CENPC: variants seen among roughly 807,000 people sequenced by gnomAD.
The protein encoded by CENPC is CENP-C 1.
In CENPC, 63 loss-of-function variants were observed where a neutral mutation model predicts 112.1. That is an observed-to-expected ratio of 0.56 (90% confidence interval 0.46 to 0.69). The LOEUF (loss-of-function observed/expected upper bound fraction) is 0.69. Ranked by LOEUF, CENPC falls within the 30% of genes least tolerant of loss-of-function variation. The pLI is 0.00. For missense variants in CENPC, 1,000 were observed against 1,103.8 expected (o/e 0.91, Z 1.33); for synonymous variants, 333 against 367.6 (o/e 0.91, Z 1.08).
chr4:67,490,915 T>C (rs529717483), intron 16 of CENPC, among the ~76,000 whole-genome samples: 7 of 145,816 alleles, frequency 4.8e-5, no homozygotes, highest in African/African-American at 1.8e-4. Context: ...AATATATATA[T>C]AGTAGATTCA....
chr4:67,526,981 A>C (rs1164531083), intron 5 of CENPC, among the ~76,000 whole-genome samples: 2 of 152,226 alleles, frequency 1.3e-5, no homozygotes, highest in African/African-American at 4.8e-5. Context: ...TAATAAGGAA[A>C]AGATAATATG....
intron 9 of CENPC, among the ~76,000 whole-genome samples, chr4:67,509,651 C>T (rs752939081): frequency 3.3e-5 from 5 of 152,082 alleles, no homozygotes; most frequent in Admixed American, 1.3e-4. Flanking sequence ...TCCACAATCA[C>T]GCCCTAAATC....
chr4:67,511,861 A>G (rs755264467), intron 9 of CENPC, among the ~76,000 whole-genome samples: 1 of 152,094 alleles, frequency 6.6e-6, no homozygotes, highest in Non-Finnish European at 1.5e-5. Context: ...TTTCCTCCAG[A>G]CTTAACCCAT....
At chr4:67,541,445 T>C (rs1200091249) in intron 2 of CENPC, among the ~76,000 whole-genome samples, 1 of 152,196 alleles carries the variant, frequency 6.6e-6, no homozygotes, top group Admixed American at 6.5e-5. Flanking sequence ...AATGCATTTC[T>C]AATTCAGTAT....
chr4:67,507,815 C>T (rs1725778873), intron 10 of CENPC, among the ~76,000 whole-genome samples: 1 of 152,078 alleles, frequency 6.6e-6, no homozygotes, highest in Non-Finnish European at 1.5e-5. Context: ...ATCAGAACCC[C>T]TCAACAAAAT....
At chr4:67,529,855 T>C (rs1323068921) in intron 5 of CENPC, among the ~76,000 whole-genome samples, 3 of 152,186 alleles carry the variant, frequency 2.0e-5, no homozygotes, top group African/African-American at 4.8e-5. Context: ...ACTATGAAGC[T>C]ACTATTAGTA....
At chr4:67,491,462 TATATATATATATATATATAGAGAGAGAG>T (rs1241178954) in intron 16 of CENPC, among the ~76,000 whole-genome samples, 13 of 65,722 alleles carry the variant, frequency 2.0e-4, no homozygotes, top group African/African-American at 6.7e-4. Context: ...TATATATATA[TATATATATATATATATATAGAGAGAGAG>T]AGAGAGAGAG....
chr4:67,528,037 T>C (rs1691982216), intron 5 of CENPC, among the ~76,000 whole-genome samples: 1 of 152,040 alleles, frequency 6.6e-6, no homozygotes, highest in African/African-American at 2.4e-5. Flanking sequence ...AGATTAAACA[T>C]AACAAATAAA....
intron 12 of CENPC, among the ~76,000 whole-genome samples, chr4:67,502,073 T>C (rs889432843): frequency 2.6e-5 from 4 of 152,112 alleles, no homozygotes; most frequent in African/African-American, 9.7e-5. Flanking sequence ...AAATTTCTAT[T>C]CATAAGCATT....
At chr4:67,515,335 G>A (rs1340878090) in intron 7 of CENPC, among the ~76,000 whole-genome samples, 5 of 151,500 alleles carry the variant, frequency 3.3e-5, no homozygotes, top group African/African-American at 4.9e-5. Context: ...GCATGATGGC[G>A]GGTGCCTGTA....
At chr4:67,483,426 AAATAT>A (rs1725005887) in intron 17 of CENPC, among the ~76,000 whole-genome samples, 1 of 152,208 alleles carries the variant, frequency 6.6e-6, no homozygotes, top group Non-Finnish European at 1.5e-5. Flanking sequence ...GTAAAAAATA[AAATAT>A]AACACAATTT....
chr4:67,471,109 T>C lies in CENPC; in HGVS notation c.*1496A>G, dbSNP rs914786047. On this transcript the variant is annotated 3_prime_UTR_variant, in exon 19 of 19. Coordinates refer to ENST00000273853, the MANE Select transcript of CENPC (RefSeq NM_001812.4). Reference sequence around the variant, plus strand: ...AACAACCAACAGTGGGTGGAAGGCTTATAGACTCAAGTGTTTGATCTTAAC... The same window carrying C: ...AACAACCAACAGTGGGTGGAAGGCTCATAGACTCAAGTGTTTGATCTTAAC... 1 of 152,198 alleles carries C rather than the reference T, an allele frequency of 6.6e-6. No individual in the cohort carries two copies. Among genetic ancestry groups the C allele is most frequent in the Non-Finnish European group, 1.5e-5 (1 of 68,034 alleles). 9.4% of individuals were successfully genotyped at this position (152,198 alleles called of 1,614,324 possible).
At chr4:67,523,920 T>C (rs1397559602) in intron 5 of CENPC, among the ~76,000 whole-genome samples, 2 of 151,874 alleles carry the variant, frequency 1.3e-5, no homozygotes, top group Non-Finnish European at 2.9e-5. Context: ...GGAACCAAAG[T>C]AAGAGCTTCT....
In CENPC at chr4:67,505,140, T is replaced by C. The variant is rs1034806944; in HGVS notation, c.2131+65A>G. 3 of 1,131,022 alleles carry C rather than the reference T, an allele frequency of 2.7e-6. No homozygotes were observed. The South Asian group carries it at 4.3e-5, about 16-fold the overall frequency. 70.1% of individuals were successfully genotyped at this position (1,131,022 alleles called of 1,614,324 possible). A position where few individuals can be genotyped will look rare whatever the true frequency, so the allele number is the denominator to read the frequency against. On this transcript the variant is annotated intron_variant, in intron 12 of 18. Coordinates refer to ENST00000273853, the MANE Select transcript of CENPC (RefSeq NM_001812.4). Reference sequence around the variant, plus strand: ...CATCAGTGACAATGTAAACAAAACATAGCACTCCTTACTCCATATTCATAA... The same window carrying C: ...CATCAGTGACAATGTAAACAAAACACAGCACTCCTTACTCCATATTCATAA...
rs773051435 is a variant in CENPC, at chr4:67,514,680, C to T, written c.838G>A (p.Val280Ile). Residue 280 changes from valine (V) to isoleucine (I), a missense_variant, in exon 8 of 19, where the codon GTT (valine) becomes ATT (isoleucine). Physicochemically the swap from Val to Ile is conservative, Grantham distance 29. Transcript: ENST00000273853. Reference sequence around the variant, plus strand: ...GGTGGAGCAGTTGCCGCATGCCTAACAATGGGACTGAAACAGGGTGATACT... The same window carrying T: ...GGTGGAGCAGTTGCCGCATGCCTAATAATGGGACTGAAACAGGGTGATACT... ...VKRKSESSPI[V>I]RHAATAPPHS... 1 of 1,605,940 alleles carries T rather than the reference C, an allele frequency of 6.2e-7. No individual in the cohort carries two copies. The highest frequency in any genetic ancestry group is 2.2e-5 in the East Asian group (1 of 44,562).
In CENPC at chr4:67,491,445, TCATATATATA is replaced by T. The variant is rs1264650239; in HGVS notation, c.2515+725_2515+734del. ...ACAGTTGTTAATATATTTAAATATT[TCATATATATA>T]TATATATATATATATATATATATAT... On this transcript the variant is annotated intron_variant, in intron 16 of 18. Transcript: ENST00000273853. Among the ~76,000 whole-genome samples, 185 of 64,144 alleles carry T rather than the reference TCATATATATA, an allele frequency of 2.9e-3. 4 individuals are homozygous for T. Among genetic ancestry groups the T allele is most frequent in the East Asian group, 0.013 (28 of 2,088 alleles). The allele number at this position is 64,144 out of a possible 152,430, so 42.1% of individuals were successfully genotyped here. A position where few individuals can be genotyped will look rare whatever the true frequency, so the allele number is the denominator to read the frequency against.
At chr4:67,484,647 C>A (rs1178446634) in intron 17 of CENPC, among the ~76,000 whole-genome samples, 1 of 152,208 alleles carries the variant, frequency 6.6e-6, no homozygotes, top group Non-Finnish European at 1.5e-5. Context: ...GAAAAATTGT[C>A]TTTCACAAAC....
chr4:67,475,332 T>C (rs1724774284), intron 17 of CENPC, among the ~76,000 whole-genome samples: 1 of 152,212 alleles, frequency 6.6e-6, no homozygotes, highest in Admixed American at 6.5e-5. Flanking sequence ...CCAAGAAACA[T>C]GAGTTATTTC....
At position 67,475,096 on chromosome 4, in the gene CENPC, C is replaced by G. The variant is rs531426121; in HGVS notation, c.2671-118G>C. On this transcript the variant is annotated intron_variant, in intron 17 of 18. Transcript: ENST00000273853. Reference sequence around the variant, plus strand: ...CCACAAATGTGCTGGCTTTAATCTCCAGAACTTGTAAATACATTAAATTTC... The same window carrying G: ...CCACAAATGTGCTGGCTTTAATCTCGAGAACTTGTAAATACATTAAATTTC... The G allele has an allele frequency of 2.4e-4, 149 of 630,804 alleles. No individual in the cohort carries two copies. The East Asian group carries it at 3.9e-3, about 16-fold the overall frequency. 39.1% of individuals were successfully genotyped at this position (630,804 alleles called of 1,614,324 possible). A position where few individuals can be genotyped will look rare whatever the true frequency, so the allele number is the denominator to read the frequency against.
Sources: allele counts gnomAD v4.1 joint callset (sites outside exome capture counted in the v4.1 genomes callset), GRCh38; gene constraint gnomAD v4.1.1; transcripts MANE v1.5; gene names NCBI Gene and HGNC (gene_info 2026-07-23, HGNC 2026-07-21).